The following CYB5R4 variants were observed in gnomAD, a reference collection of about 807,000 sequenced individuals.
CYB5R4 encodes the protein N-terminal cytochrome b5 and cytochrome b5 oxidoreductase domain-containing protein.
CYB5R4 carries 55 observed loss-of-function variants against 70.2 expected under a neutral mutation model. The ratio of observed to expected loss-of-function variants is 0.78; its 90% confidence interval spans 0.63 to 0.98. CYB5R4 has a LOEUF of 0.98. Ranked by LOEUF, CYB5R4 falls within the 50% of genes least tolerant of loss-of-function variation. CYB5R4 has a pLI of 0.00. For missense variants in CYB5R4, 562 were observed against 612.6 expected (o/e 0.92, Z 0.87); for synonymous variants, 197 against 199.5 (o/e 0.99, Z 0.11).
intron 10 of CYB5R4, among the ~76,000 whole-genome samples, chr6:83,932,410 T>G (rs2099468294): frequency 6.6e-6 from 1 of 152,208 alleles, no homozygotes; most frequent in Non-Finnish European, 1.5e-5. Flanking sequence ...TAGCAAATGC[T>G]AGAGTAGAAA....
chr6:83,936,086 A>G (rs1243216814), intron 11 of CYB5R4, 138 bp from the exon 12 acceptor site: 1 of 603,720 alleles, frequency 1.7e-6, no homozygotes, highest in Non-Finnish European at 2.8e-6. Context: ...TACATATAGA[A>G]AAATAATTAG....
At chr6:83,865,875 G>A (rs970208965) in intron 2 of CYB5R4, among the ~76,000 whole-genome samples, 1 of 152,166 alleles carries the variant, frequency 6.6e-6, no homozygotes, top group Non-Finnish European at 1.5e-5. Context: ...AAGTTCCTCA[G>A]AGACCTACAA....
At chr6:83,923,186 A>G (rs545295225) in intron 9 of CYB5R4, among the ~76,000 whole-genome samples, 1 of 152,174 alleles carries the variant, frequency 6.6e-6, no homozygotes, top group Non-Finnish European at 1.5e-5. Flanking sequence ...TTGAGAGAGC[A>G]TACTAAATTA....
At chr6:83,873,583 T>C (rs1357072294) in intron 2 of CYB5R4, among the ~76,000 whole-genome samples, 1 of 152,200 alleles carries the variant, frequency 6.6e-6, no homozygotes, top group African/African-American at 2.4e-5. Context: ...TTTTTGCTTT[T>C]TCGTATGACT....
chr6:83,923,460 TA>T (rs2099466749), intron 9 of CYB5R4, among the ~76,000 whole-genome samples: 1 of 152,182 alleles, frequency 6.6e-6, no homozygotes, highest in African/African-American at 2.4e-5. Context: ...CATCTATCTT[TA>T]AAAGTTAAAT....
intron 4 of CYB5R4, among the ~76,000 whole-genome samples, chr6:83,909,462 C>T (rs2099464332): frequency 6.6e-6 from 1 of 152,134 alleles, no homozygotes; most frequent in South Asian, 2.1e-4. Context: ...TGCCATGGAC[C>T]TTCCGACTCT....
chr6:83,884,121 G>A (rs970456722), intron 2 of CYB5R4, among the ~76,000 whole-genome samples: 3 of 151,660 alleles, frequency 2.0e-5, no homozygotes, highest in African/African-American at 4.8e-5. Context: ...TAAATGAATC[G>A]AGCACTCTAA....
chr6:83,933,521 TA>T (rs1359612698), intron 10 of CYB5R4, among the ~76,000 whole-genome samples: 9 of 151,868 alleles, frequency 5.9e-5, no homozygotes, highest in African/African-American at 1.9e-4. Context: ...ATTTTTAGCT[TA>T]AAAAAAAGAG....
At chr6:83,922,557 G>A (rs1013257781) in intron 9 of CYB5R4, 87 bp downstream of exon 9, 30 of 892,552 alleles carry the variant, frequency 3.4e-5, no homozygotes, top group Non-Finnish European at 5.0e-5. Flanking sequence ...TGAAAAATTA[G>A]CATTTGTTTT....
At chr6:83,879,419 C>T (rs530285731) in intron 2 of CYB5R4, among the ~76,000 whole-genome samples, 9 of 152,058 alleles carry the variant, frequency 5.9e-5, no homozygotes, top group Admixed American at 6.5e-5. Context: ...GATAAGGGAG[C>T]GTGTGTGTTT....
chr6:83,903,226 T>C (rs1337275430), intron 3 of CYB5R4, among the ~76,000 whole-genome samples: 2 of 152,112 alleles, frequency 1.3e-5, no homozygotes, highest in Non-Finnish European at 2.9e-5. Flanking sequence ...GTTTTTATTA[T>C]GTAAGAATGT....
At chr6:83,957,800 A>G (rs891692951) in intron 15 of CYB5R4, among the ~76,000 whole-genome samples, 2 of 152,126 alleles carry the variant, frequency 1.3e-5, no homozygotes, top group African/African-American at 2.4e-5. Context: ...CATGCTGCAT[A>G]GAGTTGCATT....
chr6:83,952,404 C>T (rs1433787637), intron 14 of CYB5R4, among the ~76,000 whole-genome samples: 1 of 151,916 alleles, frequency 6.6e-6, no homozygotes, highest in East Asian at 1.9e-4. Flanking sequence ...AATTTTATTC[C>T]ATTTTTGTGA....
In CYB5R4 at chr6:83,936,326, A is replaced by C; in HGVS notation, c.1058A>C (p.Lys353Thr). The change falls in exon 12 of 16, where the codon AAA (lysine) becomes ACA (threonine). Residue 353 changes from lysine (K) to threonine (T), a missense_variant. Coordinates refer to ENST00000369681, the MANE Select transcript of CYB5R4 (RefSeq NM_016230.4). ...PNNKYIYFLIKIYPTGLFTPE... is the reference protein window; with the variant it reads ...PNNKYIYFLITIYPTGLFTPE... ...AATAAATACATCTACTTTTTGATAA[A>C]AATCTATCCCACTGGACTCTTCACA... The C allele has an allele frequency of 6.2e-7, 1 of 1,612,704 alleles. No homozygotes were observed. The highest frequency in any genetic ancestry group is 8.5e-7 in the Non-Finnish European group (1 of 1,179,522).
intron 11 of CYB5R4, among the ~76,000 whole-genome samples, chr6:83,934,966 A>G (rs1299832779): frequency 6.6e-6 from 1 of 152,178 alleles, no homozygotes; most frequent in Non-Finnish European, 1.5e-5. Flanking sequence ...GTTTAGACAG[A>G]TGATTCCACC....
intron 15 of CYB5R4, among the ~76,000 whole-genome samples, chr6:83,959,161 T>C (rs746743585): frequency 6.6e-6 from 1 of 152,170 alleles, no homozygotes; most frequent in African/African-American, 2.4e-5. Flanking sequence ...TAAAGAATGA[T>C]AGAAGTAGAA....
chr6:83,958,653 CTG>C (rs1395326941), intron 15 of CYB5R4, among the ~76,000 whole-genome samples: 1 of 152,140 alleles, frequency 6.6e-6, no homozygotes, highest in Non-Finnish European at 1.5e-5. Flanking sequence ...TACTGCTGCA[CTG>C]TGTTGGCTTC....
chr6:83,872,837 A>T (rs968254704), intron 2 of CYB5R4, among the ~76,000 whole-genome samples: 2 of 152,204 alleles, frequency 1.3e-5, no homozygotes, highest in Admixed American at 6.5e-5. Flanking sequence ...TGCATCCTGT[A>T]GCCTAGTGTG....
chr6:83,859,818 C>G lies in CYB5R4; in HGVS notation c.36C>G (p.Pro12=), dbSNP rs1485072733. 1 of 1,613,336 alleles carries G rather than the reference C, an allele frequency of 6.2e-7. No individual in the cohort carries two copies. Among genetic ancestry groups the G allele is most frequent in the African/African-American group, 1.3e-5 (1 of 74,914 alleles). The change falls in exon 1 of 16, where the codon CCC becomes CCG. Residue 12 remains proline (P), a synonymous_variant. Coordinates refer to ENST00000369681, the MANE Select transcript of CYB5R4 (RefSeq NM_016230.4). ...TCCCTTCCCAGTCTTTCCCGGCCCC[C>G]AGGTCGCAGCAGCGTGTCGCCTCCG... ...LNVPSQSFPA[P]RSQQRVASGG... is the part of the protein sequence containing the mutation.
Sources: gnomAD v4.1 joint callset for allele counts (sites outside exome capture counted in the v4.1 genomes callset) on GRCh38, gnomAD v4.1.1 for gene constraint, MANE v1.5 for transcripts, NCBI Gene and HGNC (gene_info 2026-07-23, HGNC 2026-07-21) for gene names.